SMC6: variants seen among roughly 807,000 people sequenced by gnomAD.
SMC6 encodes the protein structural maintenance of chromosomes protein 6.
In SMC6, 79 loss-of-function variants were observed where a neutral mutation model predicts 142.2. That is an observed-to-expected ratio of 0.56 (90% CI 0.46 to 0.67). The LOEUF is 0.67. Ranked by LOEUF, SMC6 falls within the 30% of genes least tolerant of loss-of-function variation. The pLI is 0.00. For synonymous variants in SMC6, 411 were observed against 412.4 expected, an observed-to-expected ratio of 1.00 and a Z score of 0.04; for missense variants, 1,072 against 1,284.0, an observed-to-expected ratio of 0.83 and a Z score of 2.52.
At chr2:17,738,407 A>G (rs2125064010) in intron 4 of SMC6, 81 bp from the exon 5 acceptor site, 1 of 851,652 alleles carries the variant, frequency 1.2e-6, no homozygotes, top group Non-Finnish European at 1.8e-6. Flanking sequence ...ATGCAAAAAG[A>G]TTTATGAATG....
intron 3 of SMC6, among the ~76,000 whole-genome samples, chr2:17,742,831 C>T (rs1670546682): frequency 6.6e-6 from 1 of 152,164 alleles, no homozygotes; most frequent in Admixed American, 6.5e-5. Flanking sequence ...TAACATCTTG[C>T]AGAGCTAAAG....
intron 5 of SMC6, among the ~76,000 whole-genome samples, chr2:17,733,904 CA>C (rs1473708690): frequency 2.6e-5 from 4 of 152,212 alleles, no homozygotes; most frequent in Non-Finnish European, 4.4e-5. Context: ...AATGCCTGCA[CA>C]TGCAAAGACA....
Position 17,741,685 on chromosome 2 carries a change from G to A in SMC6, c.165C>T (p.Asn55=), listed in dbSNP as rs779981699. The A allele has an allele frequency of 3.7e-6, 6 of 1,611,290 alleles. No homozygotes were observed. Among genetic ancestry groups the A allele is most frequent in the Non-Finnish European group, 5.1e-6 (6 of 1,179,080 alleles). The change falls in exon 4 of 28, where the codon AAC becomes AAT. Residue 55 remains asparagine (N), a synonymous_variant. Coordinates refer to ENST00000448223, the MANE Select transcript of SMC6 (RefSeq NM_001142286.2). ...GTCCAAGCATTGAATGACACATGAA[G>A]TTTTTTAGGTGAATACTCTCAATTA... is the stretch of plus-strand genomic sequence containing the variant. ...VGIIESIHLK[N]FMCHSMLGPF... is the part of the protein sequence containing the mutation.
intron 3 of SMC6, 145 bp downstream of exon 3, chr2:17,745,682 T>C: frequency 1.3e-6 from 1 of 757,140 alleles, no homozygotes; most frequent in Non-Finnish European, 1.9e-6. Context: ...TAACATAAGC[T>C]TCAAAATTAC....
chr2:17,699,968 A>G (rs1668191845), intron 21 of SMC6, among the ~76,000 whole-genome samples: 1 of 152,100 alleles, frequency 6.6e-6, no homozygotes, highest in Non-Finnish European at 1.5e-5. Context: ...TGAAAAAAAA[A>G]AGCTATAATC....
At chr2:17,745,026 G>A (rs1670671038) in intron 3 of SMC6, among the ~76,000 whole-genome samples, 1 of 152,180 alleles carries the variant, frequency 6.6e-6, no homozygotes, top group African/African-American at 2.4e-5. Context: ...AGGGACTTCA[G>A]CATCAGTGGA....
intron 21 of SMC6, among the ~76,000 whole-genome samples, chr2:17,699,903 T>A (rs551209023): frequency 2.8e-4 from 43 of 151,972 alleles, no homozygotes; most frequent in Non-Finnish European, 5.7e-4. Flanking sequence ...AGAGACATTG[T>A]ACACGTACGA....
chr2:17,689,483 G>A (rs988041295), intron 23 of SMC6, among the ~76,000 whole-genome samples: 1 of 152,098 alleles, frequency 6.6e-6, no homozygotes, highest in African/African-American at 2.4e-5. Flanking sequence ...GTACTAAGAG[G>A]TAAAGGGTCA....
chr2:17,753,688 C>A lies in SMC6; in HGVS notation c.-155G>T, dbSNP rs1413870289. 1 of 152,222 alleles carries A rather than the reference C, an allele frequency of 6.6e-6. No individual in the cohort carries two copies. Among genetic ancestry groups the A allele is most frequent in the Non-Finnish European group, 1.5e-5 (1 of 68,036 alleles). 9.4% of individuals were successfully genotyped at this position (152,222 alleles called of 1,614,324 possible). A position where few individuals can be genotyped will look rare whatever the true frequency, so the allele number is the denominator to read the frequency against. ...GCGGGGCTGCCGTGGTACGACCGGC[C>A]GCTAAGGCCACCCTGCGGGCGTCTC... On this transcript the variant is annotated 5_prime_UTR_variant, in exon 1 of 28. Coordinates refer to ENST00000448223, the MANE Select transcript of SMC6 (RefSeq NM_001142286.2).
intron 22 of SMC6, among the ~76,000 whole-genome samples, chr2:17,695,728 C>T (rs1234068799): frequency 2.0e-5 from 3 of 152,174 alleles, no homozygotes; most frequent in African/African-American, 7.2e-5. Context: ...TTTTTATATT[C>T]ACAACTTTCT....
intron 26 of SMC6, among the ~76,000 whole-genome samples, chr2:17,668,435 T>C (rs1003416160): frequency 3.9e-5 from 6 of 152,136 alleles, no homozygotes; most frequent in Non-Finnish European, 5.9e-5. Context: ...TTAGGAGACA[T>C]AAACATCTCA....
intron 5 of SMC6, among the ~76,000 whole-genome samples, chr2:17,732,693 G>A (rs1419401179): frequency 2.5e-5 from 3 of 118,030 alleles, no homozygotes; most frequent in African/African-American, 4.4e-5. Context: ...AGAGAGACTC[G>A]GTCTCAAAAA....
chr2:17,684,565 T>C (rs1425068254), intron 23 of SMC6, among the ~76,000 whole-genome samples: 2 of 152,196 alleles, frequency 1.3e-5, no homozygotes, highest in African/African-American at 4.8e-5. Flanking sequence ...GGCTCACACC[T>C]ATAATCCCAG....
intron 5 of SMC6, among the ~76,000 whole-genome samples, chr2:17,733,343 G>T (rs535753406): frequency 1.3e-5 from 2 of 152,286 alleles, no homozygotes; most frequent in African/African-American, 2.4e-5. Context: ...ATCCTCTTGG[G>T]ATTGAGCTAA....
chr2:17,700,606 T>A (rs1288543248), intron 20 of SMC6, among the ~76,000 whole-genome samples: 1 of 152,192 alleles, frequency 6.6e-6, no homozygotes, highest in Non-Finnish European at 1.5e-5. Context: ...AATATTCTGC[T>A]TAAGATCATA....
chr2:17,753,076 G>C lies in SMC6; in HGVS notation c.-92-12C>G. ...TCTCCGGTTCATTTCTGTAAGAAAT[G>C]AGGGCAGAGAAATGCCATCAGTAAA... On this transcript the variant is annotated splice_polypyrimidine_tract_variant and intron_variant, in intron 1 of 27. Coordinates refer to ENST00000448223, the MANE Select transcript of SMC6 (RefSeq NM_001142286.2). 1 of 953,500 alleles carries C rather than the reference G, an allele frequency of 1.0e-6. No homozygotes were observed. Among genetic ancestry groups the C allele is most frequent in the Non-Finnish European group, 1.2e-6 (1 of 800,876 alleles). The allele number at this position is 953,500 out of a possible 1,614,324, so 59.1% of individuals were successfully genotyped here.
chr2:17,723,226 C>T (rs1669459876), intron 9 of SMC6, among the ~76,000 whole-genome samples: 2 of 152,150 alleles, frequency 1.3e-5, no homozygotes, highest in Non-Finnish European at 2.9e-5. Flanking sequence ...TAACTTAAGC[C>T]ATCATCATCT....
chr2:17,664,525 T>G lies in SMC6; in HGVS notation c.*974A>C, dbSNP rs1666406381. ...TTCTTAAAAAGTTTAGCATGAATCC[T>G]AGTATCAAACAAATAATACAGGGAG... On this transcript the variant is annotated 3_prime_UTR_variant, in exon 28 of 28. Transcript: ENST00000448223. 6.6e-6 allele frequency: 1 copy of G among 152,254 alleles called. No individual in the cohort carries two copies. The highest frequency in any genetic ancestry group is 6.5e-5 in the Admixed American group (1 of 15,284). The allele number at this position is 152,254 out of a possible 1,614,324, so 9.4% of individuals were successfully genotyped here. A position where few individuals can be genotyped will look rare whatever the true frequency, so the allele number is the denominator to read the frequency against.
At chr2:17,719,142 A>G (rs1310534089) in intron 11 of SMC6, among the ~76,000 whole-genome samples, 1 of 152,198 alleles carries the variant, frequency 6.6e-6, no homozygotes, top group African/African-American at 2.4e-5. Flanking sequence ...GGTCTCTCCT[A>G]AAACAATTCA....
Sources: allele counts gnomAD v4.1 joint callset (sites outside exome capture counted in the v4.1 genomes callset), GRCh38; gene constraint gnomAD v4.1.1; transcripts MANE v1.5; gene names NCBI Gene and HGNC (gene_info 2026-07-23, HGNC 2026-07-21).